ARHGAP31: variants seen among roughly 807,000 people sequenced by gnomAD.
The protein encoded by ARHGAP31 is rho GTPase-activating protein 31.
A neutral mutation model predicts 113.9 loss-of-function variants in ARHGAP31; 34 were observed. The ratio of observed to expected loss-of-function variants is 0.30; its 90% CI spans 0.23 to 0.40. The LOEUF (loss-of-function observed/expected upper bound fraction) is 0.40. ARHGAP31 is among the 10% of genes least tolerant of loss of function. The pLI, the probability that ARHGAP31 is intolerant of heterozygous loss-of-function variation, is 1.00. For missense variants in ARHGAP31, 1,548 were observed against 1,767.1 expected, an observed-to-expected ratio of 0.88 and a Z score of 2.22; for synonymous variants, 650 against 684.8, an observed-to-expected ratio of 0.95 and a Z score of 0.79.
Position 119,415,425 on chromosome 3 carries a change from G to A in ARHGAP31, c.3496G>A (p.Asp1166Asn). The A allele has an allele frequency of 6.2e-7, 1 of 1,614,002 alleles. No homozygotes were observed. The change falls in exon 12 of 12, where the codon GAC becomes AAC. Residue 1166 changes from aspartate to asparagine, a missense_variant. Coordinates refer to ENST00000264245, the MANE Select transcript of ARHGAP31 (RefSeq NM_020754.4). ...TTACTCCCAGGACCCCCAGGACCTG[G>A]ACATTGTTGCTCATGCACTGACAGG... Reference protein sequence around the residue: ...RVYSQDPQDLDIVAHALTGRR... With the variant: ...RVYSQDPQDLNIVAHALTGRR...
At chr3:119,368,680 A>G (rs1439570179) in intron 3 of ARHGAP31, among the ~76,000 whole-genome samples, 164 bp downstream of exon 3, 1 of 152,180 alleles carries the variant, frequency 6.6e-6, no homozygotes, top group Non-Finnish European at 1.5e-5. Flanking sequence ...GGGTGGTGGA[A>G]TTGTTTGCTA....
intron 1 of ARHGAP31, among the ~76,000 whole-genome samples, chr3:119,318,684 G>C (rs1356711991): frequency 6.6e-6 from 1 of 152,158 alleles, no homozygotes. Context: ...CTCTATGACA[G>C]CTAGAACTTT....
chr3:119,378,852 C>A (rs2080371851), intron 3 of ARHGAP31, among the ~76,000 whole-genome samples: 1 of 152,174 alleles, frequency 6.6e-6, no homozygotes, highest in African/African-American at 2.4e-5. Flanking sequence ...TTGCCCCTAC[C>A]CTTCACCCTG....
intron 10 of ARHGAP31, among the ~76,000 whole-genome samples, chr3:119,407,786 G>C (rs943522816): frequency 3.3e-5 from 5 of 152,160 alleles, no homozygotes; most frequent in African/African-American, 1.2e-4. Flanking sequence ...AGGCCTGGCA[G>C]GGGGACTGGT....
At position 119,379,178 on chromosome 3, in the gene ARHGAP31, G is replaced by A. The variant is rs373686803; in HGVS notation, c.349-1726G>A. ...GTGCCAGGCACTGTTCTGGACACAG[G>A]GATTCATCACGTCCCAGCACTCACA... is the stretch of plus-strand genomic sequence containing the variant. On this transcript the variant is annotated intron_variant, in intron 3 of 11. Coordinates refer to ENST00000264245, the MANE Select transcript of ARHGAP31 (RefSeq NM_020754.4). 8.5e-5 allele frequency among the ~76,000 whole-genome samples: 13 copies of A among 152,174 alleles called. No homozygotes were observed. In the East Asian group the frequency reaches 2.1e-3, roughly 25 times the overall value.
intron 1 of ARHGAP31, among the ~76,000 whole-genome samples, chr3:119,334,035 C>A (rs1252879637): frequency 6.6e-6 from 1 of 152,172 alleles, no homozygotes; most frequent in African/African-American, 2.4e-5. Flanking sequence ...CCCAGATGTG[C>A]CCTAGACAGT....
In ARHGAP31 at chr3:119,402,052, G is replaced by C; in HGVS notation, c.1300G>C (p.Val434Leu). The stretch of plus-strand genomic sequence containing the variant: ...CCGGCCCCCACCGGAACAGCTGAAG[G>C]TTTTCCGGCCTGTTGAGGATCCGGA... ...QARPPPEQLK[V>L]FRPVEDPESE... is the part of the protein sequence containing the mutation. The change falls in exon 10 of 12, where the codon GTT becomes CTT. Residue 434 changes from valine (V) to leucine (L), a missense_variant. Val to Leu is a conservative substitution (Grantham distance 32, BLOSUM62 1). Coordinates refer to ENST00000264245, the MANE Select transcript of ARHGAP31 (RefSeq NM_020754.4). 3 of 1,614,202 alleles carry C rather than the reference G, an allele frequency of 1.9e-6. No homozygotes were observed. The highest frequency in any genetic ancestry group is 2.5e-6 in the Non-Finnish European group (3 of 1,180,052).
At position 119,419,850 on chromosome 3, in the gene ARHGAP31, C is replaced by T. The variant is rs1004255883; in HGVS notation, c.*3586C>T. The T allele has an allele frequency of 4.6e-5, 7 of 152,108 alleles. 1 individual carries two copies. In the South Asian group the frequency reaches 1.5e-3, roughly 32 times the overall value. The allele number at this position is 152,108 out of a possible 1,614,324, so 9.4% of individuals were successfully genotyped here. A position where few individuals can be genotyped will look rare whatever the true frequency, so the allele number is the denominator to read the frequency against. ...AGGCTAGAATAGTGGCAACTAGGTTCGGAGGTTTCGTGTGGTCATAATTGG... is the reference window on the plus strand; with the variant it reads ...AGGCTAGAATAGTGGCAACTAGGTTTGGAGGTTTCGTGTGGTCATAATTGG... On this transcript the variant is annotated 3_prime_UTR_variant, in exon 12 of 12. Transcript: ENST00000264245.
At chr3:119,344,524 C>G (rs769408656) in intron 1 of ARHGAP31, among the ~76,000 whole-genome samples, 1 of 152,152 alleles carries the variant, frequency 6.6e-6, no homozygotes, top group East Asian at 1.9e-4. Flanking sequence ...GGACCAAAGC[C>G]CAATGGGACA....
intron 10 of ARHGAP31, among the ~76,000 whole-genome samples, chr3:119,406,665 G>T (rs181755969): frequency 2.0e-5 from 3 of 152,268 alleles, no homozygotes; most frequent in East Asian, 3.9e-4. Flanking sequence ...TCTGCCTTGC[G>T]TTTCTGGTTT....
intron 6 of ARHGAP31, 110 bp downstream of exon 6, chr3:119,383,336 G>C: frequency 7.1e-7 from 1 of 1,407,290 alleles, no homozygotes; most frequent in African/African-American, 1.4e-5. Context: ...CTGAGTGTTG[G>C]CTGTGTGTAT....
At chr3:119,321,279 C>G (rs797021639) in intron 1 of ARHGAP31, among the ~76,000 whole-genome samples, 15 of 140,424 alleles carry the variant, frequency 1.1e-4, no homozygotes, top group East Asian at 2.0e-4. Context: ...TATATATATA[C>G]TATATATATA....
intron 6 of ARHGAP31, among the ~76,000 whole-genome samples, chr3:119,385,271 T>G (rs1425401711): frequency 2.6e-5 from 4 of 152,062 alleles, no homozygotes; most frequent in African/African-American, 9.7e-5. Context: ...GGTTTACCAA[T>G]CTTGTTGTAT....
chr3:119,319,244 T>G (rs926210467), intron 1 of ARHGAP31, among the ~76,000 whole-genome samples: 3 of 150,488 alleles, frequency 2.0e-5, no homozygotes, highest in African/African-American at 7.3e-5. Flanking sequence ...AAAAAAAAAC[T>G]CTAGAGTTTT....
chr3:119,306,344 A>T (rs147181988), intron 1 of ARHGAP31, among the ~76,000 whole-genome samples: 3,836 of 152,218 alleles, frequency 0.025, 74 homozygotes, highest in Non-Finnish European at 0.037. Context: ...ACTTGAGGTC[A>T]GGAATTCAAG....
intron 7 of ARHGAP31, among the ~76,000 whole-genome samples, chr3:119,391,576 C>T (rs2080503554): frequency 6.7e-6 from 1 of 150,070 alleles, no homozygotes; most frequent in Non-Finnish European, 1.5e-5. Flanking sequence ...CTTCTGTTGC[C>T]ACCTGGGTCT....
chr3:119,352,376 G>A lies in ARHGAP31; in HGVS notation c.101-12940G>A, dbSNP rs144584359. ...CCCCACTGGCTCATTCGCTACTGAT[G>A]ACTTGTGGACCCAGACACTTTCATC... On this transcript the variant is annotated intron_variant, in intron 1 of 11. Transcript: ENST00000264245. 8.3e-4 allele frequency among the ~76,000 whole-genome samples: 126 copies of A among 152,246 alleles called. 1 individual carries two copies. In the South Asian group the frequency reaches 0.023, roughly 28 times the overall value.
rs1219096674 is a variant in ARHGAP31, at chr3:119,365,339, G to A, written c.124G>A (p.Ala42Thr). The change falls in exon 2 of 12, where the codon GCA becomes ACA. Residue 42 changes from alanine to threonine, a missense_variant. Transcript: ENST00000264245. The part of the protein sequence containing the change: ...QDVPYVLKSC[A>T]EFIETHGIVD... Reference sequence around the variant, plus strand: ...AGTTCCATACGTTTTGAAGAGCTGTGCAGAATTTATAGAGACTCACGGCAT... The same window carrying A: ...AGTTCCATACGTTTTGAAGAGCTGTACAGAATTTATAGAGACTCACGGCAT... 1.2e-6 allele frequency: 2 copies of A among 1,614,012 alleles called. No individual in the cohort carries two copies. The highest frequency in any genetic ancestry group is 1.7e-6 in the Non-Finnish European group (2 of 1,180,016).
At chr3:119,360,764 A>T (rs1184123103) in intron 1 of ARHGAP31, among the ~76,000 whole-genome samples, 1 of 152,254 alleles carries the variant, frequency 6.6e-6, no homozygotes, top group Non-Finnish European at 1.5e-5. Context: ...TTGTGCTCAG[A>T]TTAAAATTTA....
Sources: allele counts gnomAD v4.1 joint callset (sites outside exome capture counted in the v4.1 genomes callset), GRCh38; gene constraint gnomAD v4.1.1; transcripts MANE v1.5; gene names NCBI Gene and HGNC (gene_info 2026-07-23, HGNC 2026-07-21).